Variants in STK32B observed in about 807,000 individuals in gnomAD.
STK32B encodes the protein serine/threonine-protein kinase 32B.
A neutral mutation model predicts 52.6 loss-of-function variants in STK32B; 43 were observed. The ratio of observed to expected loss-of-function variants is 0.82; its 90% CI spans 0.64 to 1.05. The LOEUF (loss-of-function observed/expected upper bound fraction) is 1.05. STK32B is among the 50% of genes least tolerant of loss of function. The pLI, the probability that STK32B is intolerant of heterozygous loss-of-function variation, is 0.00. For missense variants in STK32B, 621 were observed against 534.6 expected (o/e 1.16, Z -1.59); for synonymous variants, 238 against 204.3 (o/e 1.17, Z -1.41).
intron 3 of STK32B, among the ~76,000 whole-genome samples, chr4:5,196,029 G>C (rs563955805): frequency 6.6e-6 from 1 of 152,134 alleles, no homozygotes; most frequent in African/African-American, 2.4e-5. Context: ...GCCTGAGACC[G>C]GGCCTTTCAT....
Position 5,100,361 on chromosome 4 carries a change from A to T in STK32B, c.53-39544A>T, listed in dbSNP as rs12233874. ...CCTCCCTTCCTTCCTTCCTCCCCCC[A>T]GCTGCCTTTCTTGCCTTCTTCTTCC... On this transcript the variant is annotated intron_variant, in intron 1 of 11. Coordinates refer to ENST00000282908, the MANE Select transcript of STK32B (RefSeq NM_018401.3). 8.9e-3 allele frequency among the ~76,000 whole-genome samples: 1,286 copies of T among 143,886 alleles called. 15 individuals carry two copies. The highest frequency in any genetic ancestry group is 0.016 in the Admixed American group (231 of 14,522). The allele number at this position is 143,886 out of a possible 152,430, so 94.4% of individuals were successfully genotyped here.
intron 1 of STK32B, among the ~76,000 whole-genome samples, chr4:5,083,482 C>A (rs1377038114): frequency 6.6e-6 from 1 of 152,170 alleles, no homozygotes; most frequent in Non-Finnish European, 1.5e-5. Context: ...TTTATAATTA[C>A]GTCTGCTTTG....
intron 3 of STK32B, among the ~76,000 whole-genome samples, chr4:5,254,983 T>TATA (rs1577252456): frequency 6.6e-6 from 1 of 150,994 alleles, no homozygotes; most frequent in African/African-American, 2.5e-5. Context: ...TATATGTTTA[T>TATA]TGAGCATCTT....
chr4:5,264,105 T>A (rs1209189525), intron 3 of STK32B, among the ~76,000 whole-genome samples: 2 of 152,352 alleles, frequency 1.3e-5, no homozygotes, highest in Non-Finnish European at 2.9e-5. Context: ...CTATTATAAA[T>A]AAGTCTGCTG....
intron 3 of STK32B, among the ~76,000 whole-genome samples, chr4:5,313,585 T>C (rs1213413152): frequency 6.7e-6 from 1 of 148,974 alleles, no homozygotes; most frequent in African/African-American, 2.6e-5. Context: ...TCAGATGGCA[T>C]AGTTATTTAC....
chr4:5,201,490 C>A (rs1391100099), intron 3 of STK32B, among the ~76,000 whole-genome samples: 1 of 152,130 alleles, frequency 6.6e-6, no homozygotes, highest in African/African-American at 2.4e-5. Flanking sequence ...GAGTTGCACT[C>A]CCCAGCTAAT....
chr4:5,357,965 A>T (rs1447894681), intron 4 of STK32B, among the ~76,000 whole-genome samples: 1 of 152,214 alleles, frequency 6.6e-6, no homozygotes, highest in East Asian at 1.9e-4. Context: ...GACGAAAAAA[A>T]ATGGAAGACA....
At chr4:5,406,088 A>T (rs2109056556) in intron 5 of STK32B, among the ~76,000 whole-genome samples, 1 of 152,334 alleles carries the variant, frequency 6.6e-6, no homozygotes, top group Non-Finnish European at 1.5e-5. Flanking sequence ...CATTGGGTAA[A>T]TACAACTGTT....
At chr4:5,073,906 T>A (rs892799309) in intron 1 of STK32B, among the ~76,000 whole-genome samples, 4 of 152,102 alleles carry the variant, frequency 2.6e-5, no homozygotes, top group Non-Finnish European at 1.5e-5. Flanking sequence ...CTTTATCTTT[T>A]ATCAGTTTCC....
At chr4:5,100,968 AG>A (rs1398067423) in intron 1 of STK32B, among the ~76,000 whole-genome samples, 1 of 151,458 alleles carries the variant, frequency 6.6e-6, no homozygotes, top group East Asian at 1.9e-4. Context: ...GCACAATCAT[AG>A]CTCACTGCAG....
At chr4:5,264,604 A>G (rs964533488) in intron 3 of STK32B, among the ~76,000 whole-genome samples, 8 of 151,570 alleles carry the variant, frequency 5.3e-5, no homozygotes, top group Non-Finnish European at 1.0e-4. Context: ...GGCTAACACA[A>G]TGAAACCCTG....
intron 1 of STK32B, among the ~76,000 whole-genome samples, chr4:5,090,488 G>A (rs960404773): frequency 2.1e-5 from 3 of 146,118 alleles, no homozygotes; most frequent in African/African-American, 7.6e-5. Context: ...CCGTTCTCCT[G>A]CCTCAGCCTC....
chr4:5,476,182 G>C (rs1718224939), intron 11 of STK32B, among the ~76,000 whole-genome samples: 1 of 152,066 alleles, frequency 6.6e-6, no homozygotes, highest in Admixed American at 6.5e-5. Flanking sequence ...TTACAGGTGT[G>C]AGCCACTGCA....
At chr4:5,364,475 G>T (rs529443627) in intron 4 of STK32B, among the ~76,000 whole-genome samples, 1 of 152,304 alleles carries the variant, frequency 6.6e-6, no homozygotes, top group Non-Finnish European at 1.5e-5. Context: ...TGTCCAGCTG[G>T]GCCATTACAG....
chr4:5,453,852 C>T lies in STK32B; in HGVS notation c.667-2955C>T, dbSNP rs1295122034. Among the ~76,000 whole-genome samples the T allele has an allele frequency of 1.3e-5, 2 of 151,996 alleles. No individual in the cohort carries two copies. Among genetic ancestry groups the T allele is most frequent in the Non-Finnish European group, 2.9e-5 (2 of 67,994 alleles). On this transcript the variant is annotated intron_variant, in intron 7 of 11. Transcript: ENST00000282908. The surrounding 1 kb of genome is among the most constrained non-coding windows in gnomAD (Gnocchi z 4.0). Reference sequence around the variant, plus strand: ...CCTGGCAGGTGGAGGTTGCAGTGAGCCGAGATCATACCATTGCACTCCAGT... The same window carrying T: ...CCTGGCAGGTGGAGGTTGCAGTGAGTCGAGATCATACCATTGCACTCCAGT...
chr4:5,206,760 C>G (rs756052505), intron 3 of STK32B, among the ~76,000 whole-genome samples: 1 of 152,172 alleles, frequency 6.6e-6, no homozygotes, highest in East Asian at 1.9e-4. Context: ...TCTGCACCCA[C>G]GAAGACAAAG....
chr4:5,358,387 G>T (rs926197587), intron 4 of STK32B, among the ~76,000 whole-genome samples: 1 of 152,280 alleles, frequency 6.6e-6, no homozygotes, highest in South Asian at 2.1e-4. Flanking sequence ...AGTAAATCGG[G>T]TCAGCATTTT....
intron 3 of STK32B, among the ~76,000 whole-genome samples, chr4:5,316,998 A>AAT (rs1200566231): frequency 9.2e-4 from 21 of 22,780 alleles, no homozygotes; most frequent in Non-Finnish European, 1.0e-3. Context: ...TATATGATAT[A>AAT]ATATATAATA....
chr4:5,159,542 T>TATATGAATGA (rs1491107145), intron 2 of STK32B, among the ~76,000 whole-genome samples: 32 of 102,940 alleles, frequency 3.1e-4, no homozygotes, highest in Middle Eastern at 4.3e-3. Context: ...TGTATATATG[T>TATATGAATGA]ATATATATGA....
Sources: allele counts gnomAD v4.1 joint callset (sites outside exome capture counted in the v4.1 genomes callset), GRCh38; gene constraint gnomAD v4.1.1; non-coding constraint Gnocchi (gnomAD v3.1); transcripts MANE v1.5; gene names NCBI Gene and HGNC (gene_info 2026-07-23, HGNC 2026-07-21).